RTN4RL1: variants seen among roughly 807,000 people sequenced by gnomAD.
RTN4RL1 encodes the protein reticulon-4 receptor-like 1.
In RTN4RL1, 7 loss-of-function variants were observed where a neutral mutation model predicts 25.6. That is an observed-to-expected ratio of 0.27 (90% CI 0.16 to 0.51). RTN4RL1 has a LOEUF of 0.51. Ranked by LOEUF, RTN4RL1 falls within the 20% of genes least tolerant of loss-of-function variation. The pLI is 0.97. For missense variants in RTN4RL1, 500 were observed against 615.6 expected (o/e 0.81, Z 1.99); for synonymous variants, 297 against 288.2 (o/e 1.03, Z -0.31).
chr17:1,962,817 G>A (rs1043298776), intron 1 of RTN4RL1, among the ~76,000 whole-genome samples: 4 of 145,510 alleles, frequency 2.7e-5, no homozygotes, highest in Non-Finnish European at 6.0e-5. Flanking sequence ...AGCCGAGATC[G>A]CACCACTGCA....
At chr17:1,948,824 T>C (rs1915617463) in intron 1 of RTN4RL1, among the ~76,000 whole-genome samples, 1 of 151,470 alleles carries the variant, frequency 6.6e-6, no homozygotes. Context: ...TTTGAGACAA[T>C]CTCAGTCGCC....
At chr17:2,002,338 G>T (rs2032776876) in intron 1 of RTN4RL1, among the ~76,000 whole-genome samples, 1 of 148,658 alleles carries the variant, frequency 6.7e-6, no homozygotes, top group African/African-American at 2.5e-5. Flanking sequence ...TGTCGCCCAG[G>T]CTGGAGTGCA....
intron 1 of RTN4RL1, among the ~76,000 whole-genome samples, chr17:1,986,906 C>G (rs1282375525): frequency 1.3e-5 from 2 of 152,056 alleles, no homozygotes; most frequent in African/African-American, 4.8e-5. Context: ...AGGCTTGGCT[C>G]TGCTGCAACT....
At chr17:2,005,801 C>CTT (rs369950675) in intron 1 of RTN4RL1, among the ~76,000 whole-genome samples, 1 of 107,718 alleles carries the variant, frequency 9.3e-6, no homozygotes, top group Admixed American at 9.4e-5. Context: ...TTCTTTCTTC[C>CTT]TTTTTTTTTT....
intron 1 of RTN4RL1, among the ~76,000 whole-genome samples, chr17:1,956,822 A>G (rs1390188409): frequency 6.6e-6 from 1 of 150,390 alleles, no homozygotes. Context: ...AGCTCACTAC[A>G]ACCTCTGCCT....
chr17:2,016,663 C>T (rs372908839), intron 1 of RTN4RL1, among the ~76,000 whole-genome samples: 137 of 152,380 alleles, frequency 9.0e-4, no homozygotes, highest in Non-Finnish European at 1.2e-3. Context: ...GACAGAGAGA[C>T]GCAGCGTGTG....
intron 1 of RTN4RL1, among the ~76,000 whole-genome samples, chr17:1,948,987 C>T (rs1347472148): frequency 6.7e-6 from 1 of 149,722 alleles, no homozygotes; most frequent in Non-Finnish European, 1.5e-5. Flanking sequence ...GACGGAGTCT[C>T]GCTCTGTCGC....
chr17:1,980,442 A>G (rs1011618075), intron 1 of RTN4RL1, among the ~76,000 whole-genome samples: 25 of 152,028 alleles, frequency 1.6e-4, no homozygotes, highest in African/African-American at 6.0e-4. Flanking sequence ...TAATGTTTCC[A>G]TGGGGCTTTT....
intron 1 of RTN4RL1, among the ~76,000 whole-genome samples, chr17:2,013,341 A>C (rs2151327186): frequency 6.6e-6 from 1 of 152,300 alleles, no homozygotes; most frequent in East Asian, 1.9e-4. Flanking sequence ...TGTGTAGCAG[A>C]TACTGCGAGG....
rs534127767 is a variant in RTN4RL1 at position 1,934,923 on chromosome 17, G to C, written c.*1573C>G. ...CCTGAGTCCGGCCTCCCGAGCCTCT[G>C]CCTGCACCCTGAGCATCCCCAGGAC... On this transcript the variant is annotated 3_prime_UTR_variant, in exon 2 of 2. Coordinates refer to ENST00000331238, the MANE Select transcript of RTN4RL1 (RefSeq NM_178568.4). The surrounding 1 kb of genome is among the most constrained non-coding windows in gnomAD (Gnocchi z 4.0). 2 of 152,594 alleles carry C rather than the reference G, an allele frequency of 1.3e-5. No individual in the cohort carries two copies. Among genetic ancestry groups the C allele is most frequent in the South Asian group, 2.1e-4 (1 of 4,834 alleles). The allele number at this position is 152,594 out of a possible 1,614,324, so 9.5% of individuals were successfully genotyped here.
At position 1,989,992 on chromosome 17, in the gene RTN4RL1, A is replaced by C. The variant is rs76159172; in HGVS notation, c.13+34861T>G. On this transcript the variant is annotated intron_variant, in intron 1 of 1. Coordinates refer to ENST00000331238, the MANE Select transcript of RTN4RL1 (RefSeq NM_178568.4). ...CAAAACAAAAAACAAAGGTCACGAT[A>C]GTTTGTACAACAATGTGAGTGTGCT... Among the ~76,000 whole-genome samples, 828 of 152,322 alleles carry C rather than the reference A, an allele frequency of 5.4e-3. 4 individuals carry two copies. The highest frequency in any genetic ancestry group is 0.019 in the African/African-American group (793 of 41,568).
At chr17:2,014,690 G>T (rs938733329) in intron 1 of RTN4RL1, among the ~76,000 whole-genome samples, 1 of 152,102 alleles carries the variant, frequency 6.6e-6, no homozygotes, top group African/African-American at 2.4e-5. Context: ...AAATTAGCCG[G>T]GTGTGGTGGT....
At chr17:2,002,583 C>A (rs1237025178) in intron 1 of RTN4RL1, among the ~76,000 whole-genome samples, 3 of 151,878 alleles carry the variant, frequency 2.0e-5, no homozygotes, top group African/African-American at 7.3e-5. Flanking sequence ...TGAGCCACCG[C>A]GCCCGGCCTG....
chr17:1,979,837 G>A (rs923806471), intron 1 of RTN4RL1, among the ~76,000 whole-genome samples: 6 of 152,008 alleles, frequency 3.9e-5, no homozygotes, highest in African/African-American at 9.7e-5. Context: ...CTTGACTGCC[G>A]CTTACCGCTA....
chr17:1,946,244 A>G (rs73976146), intron 1 of RTN4RL1, among the ~76,000 whole-genome samples: 235 of 152,348 alleles, frequency 1.5e-3, no homozygotes, highest in African/African-American at 5.5e-3. Flanking sequence ...CAGGTCATTC[A>G]GGTCAGGCAA....
chr17:1,957,270 A>G (rs1307070576), intron 1 of RTN4RL1, among the ~76,000 whole-genome samples: 3 of 152,144 alleles, frequency 2.0e-5, no homozygotes, highest in Non-Finnish European at 4.4e-5. Context: ...CACTCGGAAA[A>G]TCACCAGCTG....
chr17:1,999,715 T>A (rs2066948266), intron 1 of RTN4RL1, among the ~76,000 whole-genome samples: 1 of 151,710 alleles, frequency 6.6e-6, no homozygotes, highest in African/African-American at 2.4e-5. Context: ...CACTCTTGCG[T>A]GCTGACTGCA....
intron 1 of RTN4RL1, among the ~76,000 whole-genome samples, chr17:1,939,561 G>C (rs1915397954): frequency 6.6e-6 from 1 of 151,994 alleles, no homozygotes; most frequent in African/African-American, 2.4e-5. Context: ...CCAGGCTGTG[G>C]TTGCAAAACC....
intron 1 of RTN4RL1, among the ~76,000 whole-genome samples, chr17:1,943,082 C>T (rs1915472271): frequency 6.6e-6 from 1 of 152,158 alleles, no homozygotes; most frequent in Non-Finnish European, 1.5e-5. Context: ...TTGTGGAGGG[C>T]ACTCTGCAGC....
Sources: gnomAD v4.1 joint callset for allele counts (sites outside exome capture counted in the v4.1 genomes callset) on GRCh38, gnomAD v4.1.1 for gene constraint, Gnocchi (gnomAD v3.1) non-coding constraint, MANE v1.5 for transcripts, NCBI Gene and HGNC (gene_info 2026-07-23, HGNC 2026-07-21) for gene names.